The following COMMD10 variants were observed in gnomAD, a reference collection of about 807,000 sequenced individuals.
COMMD10 encodes COMM domain-containing protein 10.
Under a neutral mutation model 28.9 loss-of-function variants are expected in COMMD10, and 33 were observed. The observed-to-expected ratio is 1.14, with a 90% CI of 0.87 to 1.53. The LOEUF (loss-of-function observed/expected upper bound fraction) is 1.53. Among genes scored for constraint, COMMD10 ranks in the 40% most tolerant of loss-of-function variants. The probability of loss-of-function intolerance (pLI) is 0.00; values close to 1 mark genes in which losing one functional copy is unlikely to be tolerated. For synonymous variants in COMMD10, 110 were observed against 81.7 expected, an observed-to-expected ratio of 1.35 and a Z score of -1.87; for missense variants, 310 against 233.4, an observed-to-expected ratio of 1.33 and a Z score of -2.14.
At chr5:116,096,335 C>CTT (rs556437193) in intron 4 of COMMD10, among the ~76,000 whole-genome samples, 1 of 140,330 alleles carries the variant, frequency 7.1e-6, no homozygotes. Context: ...CTTTTTCTTT[C>CTT]TTTTTTTTTT....
chr5:116,283,059 G>C (rs908536871), intron 5 of COMMD10, among the ~76,000 whole-genome samples: 1 of 151,796 alleles, frequency 6.6e-6, no homozygotes, highest in African/African-American at 2.4e-5. Context: ...ATGTTATCCT[G>C]CTTTATTCTC....
chr5:116,240,186 T>G (rs1024896713), intron 5 of COMMD10, among the ~76,000 whole-genome samples: 3 of 151,414 alleles, frequency 2.0e-5, no homozygotes, highest in East Asian at 3.9e-4. Flanking sequence ...AGAACATAAG[T>G]GTAGACAGGT....
At chr5:116,197,123 A>T (rs977681470) in intron 5 of COMMD10, among the ~76,000 whole-genome samples, 1 of 152,060 alleles carries the variant, frequency 6.6e-6, no homozygotes, top group South Asian at 2.1e-4. Context: ...GCATTTTTTA[A>T]TGTGGGGTTG....
chr5:116,140,627 G>A (rs1212468856), intron 5 of COMMD10, among the ~76,000 whole-genome samples: 1 of 151,800 alleles, frequency 6.6e-6, no homozygotes, highest in Non-Finnish European at 1.5e-5. Flanking sequence ...TAACAGTTGT[G>A]AGATAATATT....
chr5:116,244,422 A>G (rs756023067), intron 5 of COMMD10, among the ~76,000 whole-genome samples: 4 of 152,006 alleles, frequency 2.6e-5, no homozygotes, highest in African/African-American at 7.2e-5. Context: ...ACCAACATCT[A>G]TGTGAAGTCC....
intron 5 of COMMD10, among the ~76,000 whole-genome samples, chr5:116,254,499 C>G (rs1194730804): frequency 6.6e-6 from 1 of 150,832 alleles, no homozygotes; most frequent in Non-Finnish European, 1.5e-5. Context: ...TATGTTGTGT[C>G]TTTGTTCTTG....
chr5:116,265,747 G>A (rs1388454839), intron 5 of COMMD10, among the ~76,000 whole-genome samples: 5 of 151,678 alleles, frequency 3.3e-5, no homozygotes, highest in Non-Finnish European at 7.4e-5. Context: ...TACAAATGAA[G>A]CAGATGAGCC....
intron 5 of COMMD10, among the ~76,000 whole-genome samples, chr5:116,255,103 C>A (rs941203563): frequency 1.6e-4 from 24 of 151,502 alleles, no homozygotes; most frequent in Admixed American, 7.9e-4. Context: ...CTGTTTTATC[C>A]AAGACTAGGA....
In COMMD10 at chr5:116,292,454, G is replaced by A; in HGVS notation, c.574G>A (p.Glu192Lys). Reference protein sequence around the residue: ...KELFDFYNKLETIQAQLDSLT With the variant: ...KELFDFYNKLKTIQAQLDSLT ...TTTTTTTTGTCTTTGTAAATAGCTA[G>A]AGACTATACAAGCACAGCTGGATTC... Residue 192 changes from glutamate to lysine, a missense_variant, in exon 7 of 7, where the codon GAG becomes AAG. Coordinates refer to ENST00000274458, the MANE Select transcript of COMMD10 (RefSeq NM_016144.4). 1 of 1,536,398 alleles carries A rather than the reference G, an allele frequency of 6.5e-7. No homozygotes were observed. The highest frequency in any genetic ancestry group is 8.8e-7 in the Non-Finnish European group (1 of 1,140,826).
chr5:116,238,888 G>A (rs1225795407), intron 5 of COMMD10, among the ~76,000 whole-genome samples: 1 of 152,092 alleles, frequency 6.6e-6, no homozygotes, highest in African/African-American at 2.4e-5. Context: ...GTCTTCAGTT[G>A]TTTAGACGAA....
intron 5 of COMMD10, among the ~76,000 whole-genome samples, chr5:116,203,120 C>T (rs1748714849): frequency 6.6e-6 from 1 of 151,886 alleles, no homozygotes. Context: ...GCCAGTTTTC[C>T]CAGCACCATT....
intron 5 of COMMD10, among the ~76,000 whole-genome samples, chr5:116,175,042 C>G (rs934239558): frequency 5.9e-5 from 9 of 152,048 alleles, no homozygotes; most frequent in African/African-American, 2.2e-4. Flanking sequence ...TCTTTGTGAT[C>G]TTTCATAACT....
At chr5:116,187,999 G>C (rs1301036039) in intron 5 of COMMD10, among the ~76,000 whole-genome samples, 2 of 152,110 alleles carry the variant, frequency 1.3e-5, no homozygotes, top group African/African-American at 4.8e-5. Flanking sequence ...TATAGATTCA[G>C]ATCTGGACAG....
At chr5:116,131,911 G>T (rs1751875311) in intron 4 of COMMD10, among the ~76,000 whole-genome samples, 1 of 152,008 alleles carries the variant, frequency 6.6e-6, no homozygotes, top group Non-Finnish European at 1.5e-5. Flanking sequence ...TTTCACTGTG[G>T]CTAAATTATA....
intron 5 of COMMD10, among the ~76,000 whole-genome samples, chr5:116,233,428 A>G (rs1482211165): frequency 2.0e-5 from 3 of 152,188 alleles, no homozygotes; most frequent in Non-Finnish European, 4.4e-5. Flanking sequence ...TCTCCCACAG[A>G]TAAGGGGGAA....
At chr5:116,167,627 G>A (rs539940919) in intron 5 of COMMD10, among the ~76,000 whole-genome samples, 16 of 152,232 alleles carry the variant, frequency 1.1e-4, no homozygotes, top group East Asian at 3.9e-4. Flanking sequence ...GACTAACAGC[G>A]GATCTCTCGG....
intron 4 of COMMD10, among the ~76,000 whole-genome samples, chr5:116,102,851 T>G (rs1232296605): frequency 1.3e-5 from 2 of 151,966 alleles, no homozygotes. Context: ...AGTGTGTGAT[T>G]CCCCCACCCC....
At chr5:116,218,986 G>T (rs1749175011) in intron 5 of COMMD10, among the ~76,000 whole-genome samples, 1 of 152,176 alleles carries the variant, frequency 6.6e-6, no homozygotes, top group Non-Finnish European at 1.5e-5. Context: ...GGTTAAATGA[G>T]ATCATAAGGA....
At chr5:116,224,673 G>T (rs1749347520) in intron 5 of COMMD10, among the ~76,000 whole-genome samples, 1 of 152,018 alleles carries the variant, frequency 6.6e-6, no homozygotes, top group African/African-American at 2.4e-5. Context: ...CTTCCCCCAA[G>T]CCCCAAACAC....
Sources: allele counts gnomAD v4.1 joint callset (sites outside exome capture counted in the v4.1 genomes callset), GRCh38; gene constraint gnomAD v4.1.1; transcripts MANE v1.5; gene names NCBI Gene and HGNC (gene_info 2026-07-23, HGNC 2026-07-21).